PPP2R2B: variants seen among roughly 807,000 people sequenced by gnomAD.
The protein encoded by PPP2R2B is serine/threonine-protein phosphatase 2A 55 kDa regulatory subunit B beta isoform.
PPP2R2B carries 5 observed loss-of-function variants against 46.0 expected under a neutral mutation model. The observed-to-expected ratio is 0.11, with a 90% CI of 0.06 to 0.23. The LOEUF (loss-of-function observed/expected upper bound fraction) is 0.23, where lower values mean the gene tolerates loss of function less well. Among genes scored for constraint, PPP2R2B ranks in the 10% least tolerant of loss-of-function variants. PPP2R2B has a pLI of 1.00. For synonymous variants in PPP2R2B, 215 were observed against 206.7 expected, an observed-to-expected ratio of 1.04 and a Z score of -0.34; for missense variants, 367 against 575.0, an observed-to-expected ratio of 0.64 and a Z score of 3.70.
chr5:146,959,211 A>G (rs1752062497), intron 1 of PPP2R2B, among the ~76,000 whole-genome samples: 1 of 152,204 alleles, frequency 6.6e-6, no homozygotes. Flanking sequence ...AGAATTTTAT[A>G]GTAAATAATC....
At chr5:146,998,374 C>T (rs540796966) in intron 1 of PPP2R2B, among the ~76,000 whole-genome samples, 2 of 152,164 alleles carry the variant, frequency 1.3e-5, no homozygotes, top group Non-Finnish European at 2.9e-5. Context: ...TAGTAAATAT[C>T]CTTAATTGAG....
chr5:146,976,481 T>C (rs1398269943), intron 1 of PPP2R2B, among the ~76,000 whole-genome samples: 1 of 152,110 alleles, frequency 6.6e-6, no homozygotes, highest in Non-Finnish European at 1.5e-5. Flanking sequence ...CTTTGATTCA[T>C]TCTGAGTTAA....
intron 1 of PPP2R2B, among the ~76,000 whole-genome samples, chr5:147,002,406 T>A (rs1010233099): frequency 9.9e-5 from 15 of 152,114 alleles, no homozygotes; most frequent in Non-Finnish European, 4.4e-5. Flanking sequence ...ACTCTGGAGA[T>A]CCCTTCCATC....
chr5:146,878,864 C>A (rs923999932), upstream of PPP2R2B: 2 of 1,190,004 alleles, frequency 1.7e-6, no homozygotes, highest in Admixed American at 3.1e-5. The surrounding 1 kb of genome is among the most constrained non-coding windows in gnomAD (Gnocchi z 4.5). Context: ...GCAGAGGCTG[C>A]GGCTGCTCTT....
upstream of PPP2R2B, among the ~76,000 whole-genome samples, chr5:147,058,920 C>T (rs980939491): frequency 6.6e-6 from 1 of 152,190 alleles, no homozygotes; most frequent in Non-Finnish European, 1.5e-5. Flanking sequence ...GCAGATTTCA[C>T]AGTCCTCAAG....
At chr5:146,684,192 C>T (rs1284645985) in intron 5 of PPP2R2B, among the ~76,000 whole-genome samples, 1 of 151,978 alleles carries the variant, frequency 6.6e-6, no homozygotes, top group African/African-American at 2.4e-5. Context: ...TGTGAAGCCC[C>T]CAGAGCAGCA....
intron 2 of PPP2R2B, among the ~76,000 whole-genome samples, chr5:146,737,993 G>A (rs1017886493): frequency 6.6e-6 from 1 of 151,918 alleles, no homozygotes; most frequent in Admixed American, 6.6e-5. Context: ...CAGACCTGGG[G>A]ACTATGTTCG....
At chr5:146,639,059 G>C (rs1042947990) in intron 6 of PPP2R2B, among the ~76,000 whole-genome samples, 1 of 152,062 alleles carries the variant, frequency 6.6e-6, no homozygotes, top group Non-Finnish European at 1.5e-5. Context: ...ATTTTTTCAG[G>C]GGTGGAAACG....
At chr5:146,697,264 G>A (rs1047505820) in intron 4 of PPP2R2B, among the ~76,000 whole-genome samples, 1 of 152,168 alleles carries the variant, frequency 6.6e-6, no homozygotes, top group Non-Finnish European at 1.5e-5. Flanking sequence ...TTTATGCCAA[G>A]TTGTTTTGAG....
intron 7 of PPP2R2B, among the ~76,000 whole-genome samples, chr5:146,626,672 C>A (rs1210187739): frequency 2.0e-5 from 3 of 152,070 alleles, no homozygotes; most frequent in African/African-American, 4.8e-5. Flanking sequence ...GGTAAGTTGG[C>A]CTAAAATGTC....
At chr5:146,881,284 C>G (rs904258396), upstream of PPP2R2B, among the ~76,000 whole-genome samples, 6 of 152,188 alleles carry the variant, frequency 3.9e-5, no homozygotes, top group Non-Finnish European at 8.8e-5. Flanking sequence ...ATAGTCCTGA[C>G]TTCCGGTGTT....
At chr5:146,835,202 T>C (rs538971715) in intron 2 of PPP2R2B, among the ~76,000 whole-genome samples, 1 of 152,324 alleles carries the variant, frequency 6.6e-6, no homozygotes, top group South Asian at 2.1e-4. Flanking sequence ...CAGAAAAATT[T>C]TGATGACTTA....
At chr5:146,946,186 G>A (rs1480426042) in intron 1 of PPP2R2B, among the ~76,000 whole-genome samples, 2 of 152,124 alleles carry the variant, frequency 1.3e-5, no homozygotes, top group Non-Finnish European at 2.9e-5. Flanking sequence ...AGCTAGTAGC[G>A]AGTATAGCCC....
chr5:146,825,619 C>T (rs1012375877), intron 2 of PPP2R2B, among the ~76,000 whole-genome samples: 1 of 152,206 alleles, frequency 6.6e-6, no homozygotes, highest in Non-Finnish European at 1.5e-5. Context: ...TAACTGAATT[C>T]AAATTTAGGC....
intron 1 of PPP2R2B, chr5:147,040,858 C>T (rs949818742): frequency 7.1e-6 from 3 of 424,394 alleles, no homozygotes; most frequent in African/African-American, 2.1e-5. Flanking sequence ...ACATACCTCC[C>T]TCAGCCATTT....
At chr5:146,898,737 C>G (rs552285928) in intron 1 of PPP2R2B, among the ~76,000 whole-genome samples, 1 of 107,432 alleles carries the variant, frequency 9.3e-6, no homozygotes, top group Non-Finnish European at 1.7e-5. Flanking sequence ...TGACAAAGGG[C>G]TAATATCCAG....
At chr5:146,921,025 G>T (rs1763586455) in intron 1 of PPP2R2B, among the ~76,000 whole-genome samples, 1 of 152,086 alleles carries the variant, frequency 6.6e-6, no homozygotes, top group African/African-American at 2.4e-5. Flanking sequence ...TAGGGTGCAG[G>T]GTACAGTATG....
At chr5:146,859,925 T>G (rs1021188680) in intron 2 of PPP2R2B, among the ~76,000 whole-genome samples, 2 of 152,082 alleles carry the variant, frequency 1.3e-5, no homozygotes, top group African/African-American at 4.8e-5. Context: ...AAAGAAATTC[T>G]ATCTGAAGTT....
intron 1 of PPP2R2B, among the ~76,000 whole-genome samples, chr5:147,043,902 G>A (rs1453090993): frequency 6.6e-6 from 1 of 152,060 alleles, no homozygotes; most frequent in Non-Finnish European, 1.5e-5. Flanking sequence ...TGTGGAGCCA[G>A]CCTACCTGGG....
Sources: allele counts gnomAD v4.1 joint callset (sites outside exome capture counted in the v4.1 genomes callset), GRCh38; gene constraint gnomAD v4.1.1; non-coding constraint Gnocchi (gnomAD v3.1); transcripts MANE v1.5; gene names NCBI Gene and HGNC (gene_info 2026-07-23, HGNC 2026-07-21).